TBC1D4: variants seen among roughly 807,000 people sequenced by gnomAD.
TBC1D4 encodes TBC1 domain family member 4.
Under a neutral mutation model 142.5 loss-of-function variants are expected in TBC1D4, and 121 were observed. The ratio of observed to expected loss-of-function variants is 0.85; its 90% CI spans 0.73 to 0.99. TBC1D4 has a LOEUF of 0.99. Ranked by LOEUF, TBC1D4 falls within the 50% of genes least tolerant of loss-of-function variation. The pLI is 0.00. For missense variants in TBC1D4, 1,475 were observed against 1,606.6 expected (o/e 0.92, Z 1.40); for synonymous variants, 630 against 628.2 (o/e 1.00, Z -0.04).
At chr13:75,367,697 TA>T (rs1882999897) in intron 1 of TBC1D4, among the ~76,000 whole-genome samples, 1 of 152,168 alleles carries the variant, frequency 6.6e-6, no homozygotes, top group Non-Finnish European at 1.5e-5. Flanking sequence ...ATTTCCTTTA[TA>T]ATTAATTCTG....
chr13:75,342,127 G>A (rs1367183510), intron 5 of TBC1D4, among the ~76,000 whole-genome samples: 2 of 152,176 alleles, frequency 1.3e-5, no homozygotes, highest in Admixed American at 1.3e-4. Context: ...AACATGGGAG[G>A]CAGAGGTTGC....
intron 16 of TBC1D4, among the ~76,000 whole-genome samples, chr13:75,300,172 G>A (rs1488430338): frequency 6.6e-6 from 1 of 152,132 alleles, no homozygotes; most frequent in Non-Finnish European, 1.5e-5. Flanking sequence ...CATGAGCCAT[G>A]TAAACCACTT....
chr13:75,287,767 C>T (rs187025856), intron 20 of TBC1D4, among the ~76,000 whole-genome samples: 10 of 152,278 alleles, frequency 6.6e-5, no homozygotes, highest in Admixed American at 5.9e-4. Flanking sequence ...AGAGATCCCT[C>T]ATTTCTAACC....
At chr13:75,311,604 T>TATATTCATG (rs1877762462) in intron 13 of TBC1D4, among the ~76,000 whole-genome samples, 1 of 152,196 alleles carries the variant, frequency 6.6e-6, no homozygotes. Context: ...GGCTTTTAAC[T>TATATTCATG]GCTCCCTAGA....
intron 4 of TBC1D4, among the ~76,000 whole-genome samples, chr13:75,352,079 T>A (rs1274615662): frequency 6.6e-6 from 1 of 152,214 alleles, no homozygotes; most frequent in East Asian, 1.9e-4. Flanking sequence ...TTTTCTTAGA[T>A]GAGAAACTTT....
Position 75,431,010 on chromosome 13 carries a change from G to A in TBC1D4, c.498+50260C>T, listed in dbSNP as rs118186704. Among the ~76,000 whole-genome samples the A allele has an allele frequency of 1.2e-4, 19 of 152,252 alleles. No homozygotes were observed. The East Asian group carries it at 2.3e-3, about 19-fold the overall frequency. ...GACTCAAACTCAACTCCTGAGGGGT[G>A]CCCAGCAAATGAACACTCCTGGCAA... is the stretch of plus-strand genomic sequence containing the variant. On this transcript the variant is annotated intron_variant, in intron 1 of 20. Transcript: ENST00000377636.
At chr13:75,296,282 G>A (rs146249579) in intron 17 of TBC1D4, among the ~76,000 whole-genome samples, 28 of 151,442 alleles carry the variant, frequency 1.8e-4, no homozygotes, top group Admixed American at 9.2e-4. Flanking sequence ...CATTTACATC[G>A]TAGAAACGAG....
In TBC1D4 at chr13:75,306,373, A is replaced by G. The variant is rs1877186617; in HGVS notation, c.2692T>C (p.Leu898=). 6.2e-7 allele frequency: 1 copy of G among 1,613,364 alleles called. No homozygotes were observed. The highest frequency in any genetic ancestry group is 2.2e-5 in the East Asian group (1 of 44,774). The change falls in exon 15 of 21, where the codon TTA becomes CTA. Residue 898 remains leucine (L), a synonymous_variant. Transcript: ENST00000377636. ...CATCTGATTTTAGCTCTGCAGTTTA[A>G]CAACTTCTTATCCCAAGTTATTAAG... is the stretch of plus-strand genomic sequence containing the variant. ...EVLITWDKKL[L]NCRAKIRCDM... is the part of the protein sequence containing the mutation.
At chr13:75,389,501 A>ATTCT (rs1884354032) in intron 1 of TBC1D4, among the ~76,000 whole-genome samples, 1 of 152,220 alleles carries the variant, frequency 6.6e-6, no homozygotes, top group Non-Finnish European at 1.5e-5. Context: ...GAAACAGAAT[A>ATTCT]GTTTGTAGAA....
intron 12 of TBC1D4, 38 bp from the exon 13 acceptor site, chr13:75,312,936 G>A (rs1273316644): frequency 1.2e-6 from 2 of 1,611,130 alleles, no homozygotes; most frequent in African/African-American, 2.7e-5. Context: ...TATAAGGAGA[G>A]CTGCACATCA....
At chr13:75,376,457 A>G (rs1398228733) in intron 1 of TBC1D4, among the ~76,000 whole-genome samples, 1 of 149,694 alleles carries the variant, frequency 6.7e-6, no homozygotes, top group Non-Finnish European at 1.5e-5. Context: ...GGCTCACTGC[A>G]ACCTCCGCCT....
chr13:75,356,100 G>T, intron 4 of TBC1D4, 47 bp downstream of exon 4: 3 of 1,439,478 alleles, frequency 2.1e-6, no homozygotes, highest in South Asian at 1.2e-5. Context: ...TCTTCTGTTC[G>T]ACAGATGTGT....
intron 1 of TBC1D4, among the ~76,000 whole-genome samples, chr13:75,420,246 C>T (rs749104474): frequency 1.1e-4 from 17 of 152,236 alleles, no homozygotes; most frequent in Non-Finnish European, 2.1e-4. Flanking sequence ...AAGGACATCT[C>T]TTATCTGAGA....
At chr13:75,303,625 G>A (rs1876825324) in intron 15 of TBC1D4, among the ~76,000 whole-genome samples, 1 of 152,208 alleles carries the variant, frequency 6.6e-6, no homozygotes, top group Admixed American at 6.5e-5. Context: ...CTTTGCTCCA[G>A]CTGGTTAAGG....
At chr13:75,468,588 G>C (rs1888264382) in intron 1 of TBC1D4, among the ~76,000 whole-genome samples, 1 of 151,868 alleles carries the variant, frequency 6.6e-6, no homozygotes. Context: ...AATTACGTAA[G>C]TTACTTTATA....
intron 1 of TBC1D4, among the ~76,000 whole-genome samples, chr13:75,445,699 T>C (rs1887253909): frequency 6.6e-6 from 1 of 152,218 alleles, no homozygotes; most frequent in Admixed American, 6.5e-5. Context: ...TACCAACATG[T>C]GACATACATT....
chr13:75,359,080 G>C (rs1031936742), intron 3 of TBC1D4, among the ~76,000 whole-genome samples: 1 of 152,122 alleles, frequency 6.6e-6, no homozygotes, highest in Non-Finnish European at 1.5e-5. Flanking sequence ...TAAGTCACCA[G>C]GCAGAAAAGA....
chr13:75,286,400 G>T lies in TBC1D4; in HGVS notation c.*392C>A, dbSNP rs2137811685. 5.7e-6 allele frequency: 1 copy of T among 173,920 alleles called. No individual in the cohort carries two copies. Among genetic ancestry groups the T allele is most frequent in the Admixed American group, 5.6e-5 (1 of 17,976 alleles). 10.8% of individuals were successfully genotyped at this position (173,920 alleles called of 1,614,324 possible). Reference sequence around the variant, plus strand: ...TATTGCAATATACAAAGATGCTCTGGCTTTGTTTCACTATAAAGACAAAAA... The same window carrying T: ...TATTGCAATATACAAAGATGCTCTGTCTTTGTTTCACTATAAAGACAAAAA... On this transcript the variant is annotated 3_prime_UTR_variant, in exon 21 of 21. Coordinates refer to ENST00000377636, the MANE Select transcript of TBC1D4 (RefSeq NM_014832.5).
At chr13:75,315,786 C>T (rs894220214) in intron 12 of TBC1D4, among the ~76,000 whole-genome samples, 5 of 152,110 alleles carry the variant, frequency 3.3e-5, no homozygotes, top group African/African-American at 1.2e-4. Flanking sequence ...AAAAGATCTA[C>T]CTTCTTAAAA....
Sources: gnomAD v4.1 joint callset for allele counts (sites outside exome capture counted in the v4.1 genomes callset) on GRCh38, gnomAD v4.1.1 for gene constraint, MANE v1.5 for transcripts, NCBI Gene and HGNC (gene_info 2026-07-23, HGNC 2026-07-21) for gene names.